TG: variants seen among roughly 807,000 people sequenced by gnomAD.
TG encodes the protein thyroglobulin.
A neutral mutation model predicts 324.7 loss-of-function variants in TG; 270 were observed. The ratio of observed to expected loss-of-function variants is 0.83; its 90% CI spans 0.75 to 0.92. The LOEUF (loss-of-function observed/expected upper bound fraction) is 0.92, where lower values mean the gene tolerates loss of function less well. TG is among the 40% of genes least tolerant of loss of function. TG has a pLI of 0.00. For missense variants in TG, 3,591 were observed against 3,456.4 expected (o/e 1.04, Z -0.98); for synonymous variants, 1,401 against 1,327.0 (o/e 1.06, Z -1.21).
intron 35 of TG, among the ~76,000 whole-genome samples, chr8:132,992,348 G>A (rs558502191): frequency 1.3e-4 from 20 of 152,268 alleles, no homozygotes; most frequent in African/African-American, 4.3e-4. Context: ...CCTTCTGGCC[G>A]GAGGACAAAA....
chr8:132,949,039 G>A (rs1825739382), intron 27 of TG, 96 bp downstream of exon 27: 1 of 1,141,306 alleles, frequency 8.8e-7, no homozygotes, highest in Non-Finnish European at 1.3e-6. Flanking sequence ...TGTGGCCTGA[G>A]GAGCTTATAC....
At chr8:133,075,144 T>G (rs1844663009) in intron 41 of TG, 3 of 985,018 alleles carry the variant, frequency 3.0e-6, no homozygotes, top group Non-Finnish European at 3.6e-6. Flanking sequence ...GGAAGATAGA[T>G]GGGTTATTAA....
intron 36 of TG, among the ~76,000 whole-genome samples, chr8:133,012,590 T>C (rs1041578282): frequency 9.2e-5 from 14 of 152,206 alleles, no homozygotes; most frequent in African/African-American, 2.4e-5. Context: ...CTACAAAGAA[T>C]TTTAGCTTCT....
chr8:133,118,320 CTTTTTTTTTTTT>C (rs34171048), intron 45 of TG, among the ~76,000 whole-genome samples: 4 of 88,978 alleles, frequency 4.5e-5, no homozygotes, highest in Non-Finnish European at 8.9e-5. Flanking sequence ...CAGATTCTTC[CTTTTTTTTTTTT>C]TTTTTTTTTT....
At chr8:133,133,762 G>GCGGGCA in intron 47 of TG, 102 bp downstream of exon 47, 1 of 1,321,406 alleles carries the variant, frequency 7.6e-7, no homozygotes, top group Non-Finnish European at 1.1e-6. Flanking sequence ...GGAGCCAAGG[G>GCGGGCA]GTCACCAGTG....
intron 22 of TG, among the ~76,000 whole-genome samples, chr8:132,926,022 A>G (rs1014230403): frequency 5.3e-5 from 8 of 152,200 alleles, no homozygotes; most frequent in South Asian, 4.1e-4. Context: ...TCTGAGCTTA[A>G]GTTTCCCTTT....
chr8:132,965,204 A>G (rs1177914319), intron 29 of TG, among the ~76,000 whole-genome samples: 1 of 152,210 alleles, frequency 6.6e-6, no homozygotes, highest in African/African-American at 2.4e-5. Flanking sequence ...GGCATGGTTC[A>G]GTGAGGAAAC....
Position 132,887,069 on chromosome 8 carries a change from A to G in TG, c.1697A>G (p.Lys566Arg). The G allele has an allele frequency of 1.2e-6, 2 of 1,614,198 alleles. No homozygotes were observed. Among genetic ancestry groups the G allele is most frequent in the Admixed American group, 1.7e-5 (1 of 60,024 alleles). ...CTACAAGAGAACCAAAATGCCCTCA[A>G]ATTCCTTGCTTCTCTCCTGGAGCTT... ...INLQENQNAL[K>R]FLASLLELPE... Residue 566 changes from lysine to arginine, a missense_variant, in exon 9 of 48, where the codon AAA (lysine) becomes AGA (arginine). By Grantham distance (26) the Lys-to-Arg change is conservative. Coordinates refer to ENST00000220616, the MANE Select transcript of TG (RefSeq NM_003235.5).
chr8:132,893,682 TC>T lies in TG; in HGVS notation c.2762-4del, dbSNP rs758239399. The stretch of plus-strand genomic sequence containing the variant: ...GTGAGTCCATCTGTGTTATTTTTAT[TC>T]CCCTAGGTCCTGGCTCCTGTGAGGA... On this transcript the variant is annotated splice_polypyrimidine_tract_variant and splice_region_variant and intron_variant, in intron 10 of 47. Transcript: ENST00000220616. 3.7e-5 allele frequency: 59 copies of T among 1,613,642 alleles called. No individual in the cohort carries two copies. The African/African-American group carries it at 6.8e-4, about 19-fold the overall frequency.
intron 28 of TG, among the ~76,000 whole-genome samples, 183 bp from the exon 29 acceptor site, chr8:132,962,811 A>T (rs7844210): frequency 6.6e-6 from 1 of 152,084 alleles, no homozygotes; most frequent in East Asian, 1.9e-4. Flanking sequence ...TATCACTGAG[A>T]GGTTGGATGA....
intron 41 of TG, chr8:133,038,658 T>TGCTCTCTC: frequency 6.2e-7 from 1 of 1,613,966 alleles, no homozygotes; most frequent in African/African-American, 1.3e-5. Context: ...TAAGAGGCAA[T>TGCTCTCTC]GCTCTCTCGA....
At position 132,875,666 on chromosome 8, in the gene TG, G is replaced by A. The variant is rs16904762; in HGVS notation, c.638+2445G>A. ...CAGCTATTTCCACAAGAGGGCAGTC[G>A]AGTTAAATGCAAAAGTTCAGAATAA... On this transcript the variant is annotated intron_variant, in intron 5 of 47. Transcript: ENST00000220616. 9.0e-3 allele frequency among the ~76,000 whole-genome samples: 1,378 copies of A among 152,300 alleles called. 40 individuals are homozygous for A. Among genetic ancestry groups the A allele is most frequent in the East Asian group, 0.088 (454 of 5,180 alleles).
intron 27 of TG, among the ~76,000 whole-genome samples, chr8:132,957,837 A>C (rs1246227626): frequency 6.6e-6 from 1 of 151,908 alleles, no homozygotes; most frequent in African/African-American, 2.4e-5. Context: ...GTGTTTGGTT[A>C]CATGAGTAAG....
At chr8:133,039,929 C>T in intron 41 of TG, 1 of 1,518,956 alleles carries the variant, frequency 6.6e-7, no homozygotes, top group South Asian at 1.2e-5. Context: ...GTTTTGTGCT[C>T]ACATGTTCAC....
At chr8:132,933,863 C>G (rs1468977757) in intron 24 of TG, among the ~76,000 whole-genome samples, 187 bp downstream of exon 24, 1 of 152,014 alleles carries the variant, frequency 6.6e-6, no homozygotes, top group Non-Finnish European at 1.5e-5. Flanking sequence ...AGAGACAGAC[C>G]CAAGATGAAG....
rs757815753 is a variant in TG at position 133,096,341 on chromosome 8, G to A, written c.7540G>A (p.Asp2514Asn). 3.1e-6 allele frequency: 5 copies of A among 1,614,066 alleles called. No homozygotes were observed. The highest frequency in any genetic ancestry group is 1.3e-5 in the African/African-American group (1 of 74,948). The change falls in exon 43 of 48, where the codon GAC (aspartate) becomes AAC (asparagine). Residue 2514 changes from aspartate (D) to asparagine (N), a missense_variant. Asp to Asn is a conservative substitution (Grantham distance 23). Transcript: ENST00000220616. ...VDLLIGSSQD[D>N]GLINRAKAVK... is the part of the protein sequence containing the mutation. The stretch of plus-strand genomic sequence containing the variant: ...TCTGCTCATTGGGAGTTCTCAGGAC[G>A]ACGGGCTCATCAACAGAGCAAAGGC...
rs934192149 is a variant in TG, at chr8:133,074,814, C to A, written c.7240-20230C>A. On this transcript the variant is annotated intron_variant, in intron 41 of 47. Transcript: ENST00000220616. ...CTGCGTGTTGAAGAGGCCCTGAAGT[C>A]TCTCCCCACCCCATCTCTGCCACAT... 1.5e-5 allele frequency: 15 copies of A among 981,220 alleles called. No homozygotes were observed. In the African/African-American group the frequency reaches 2.4e-4, roughly 16 times the overall value. The allele number at this position is 981,220 out of a possible 1,614,324, so 60.8% of individuals were successfully genotyped here. A position where few individuals can be genotyped will look rare whatever the true frequency, so the allele number is the denominator to read the frequency against.
chr8:132,984,824 C>T (rs1831318730), intron 35 of TG, among the ~76,000 whole-genome samples: 1 of 151,968 alleles, frequency 6.6e-6, no homozygotes, highest in South Asian at 2.1e-4. Context: ...CACCTGTAGT[C>T]CCAGCTACTA....
chr8:132,969,300 A>G (rs1479284746), intron 31 of TG, among the ~76,000 whole-genome samples, 158 bp from the exon 32 acceptor site: 1 of 152,050 alleles, frequency 6.6e-6, no homozygotes, highest in Non-Finnish European at 1.5e-5. Context: ...ACTTGCCATC[A>G]TTTTAGTGAG....
Sources: gnomAD v4.1 joint callset for allele counts (sites outside exome capture counted in the v4.1 genomes callset) on GRCh38, gnomAD v4.1.1 for gene constraint, MANE v1.5 for transcripts, NCBI Gene and HGNC (gene_info 2026-07-23, HGNC 2026-07-21) for gene names.